Variants in CTNNA2 observed in about 807,000 individuals in gnomAD.
The protein encoded by CTNNA2 is catenin alpha-2.
CTNNA2 carries 42 observed loss-of-function variants against 101.0 expected under a neutral mutation model. That is an observed-to-expected ratio of 0.42 (90% CI 0.32 to 0.54). The LOEUF (loss-of-function observed/expected upper bound fraction) is 0.54, where lower values mean the gene tolerates loss of function less well. CTNNA2 is among the 20% of genes least tolerant of loss of function. The probability of loss-of-function intolerance (pLI) is 0.14; values close to 1 mark genes in which losing one functional copy is unlikely to be tolerated. For missense variants in CTNNA2, 871 were observed against 1,223.1 expected (o/e 0.71, Z 4.29); for synonymous variants, 450 against 456.4 (o/e 0.99, Z 0.18).
intron 7 of CTNNA2, among the ~76,000 whole-genome samples, chr2:80,287,205 T>C (rs1432141914): frequency 6.6e-6 from 1 of 151,806 alleles, no homozygotes; most frequent in Non-Finnish European, 1.5e-5. Context: ...TTTTACTGAG[T>C]AGAAAGAAAA....
At chr2:79,529,168 A>G (rs538015460) in intron 1 of CTNNA2, among the ~76,000 whole-genome samples, 45 of 152,278 alleles carry the variant, frequency 3.0e-4, no homozygotes, top group Middle Eastern at 3.4e-3. Flanking sequence ...TCAACAAATC[A>G]TACAGTTGCC....
intron 3 of CTNNA2, among the ~76,000 whole-genome samples, chr2:79,821,463 C>G (rs1678001729): frequency 6.6e-6 from 1 of 152,132 alleles, no homozygotes; most frequent in South Asian, 2.1e-4. Flanking sequence ...ATTGCCTTGG[C>G]CTTTCAAAGC....
intron 4 of CTNNA2, among the ~76,000 whole-genome samples, chr2:79,422,166 C>T (rs1316591065): frequency 2.0e-5 from 3 of 152,086 alleles, no homozygotes; most frequent in Admixed American, 6.6e-5. Flanking sequence ...AACAAACAAA[C>T]AGTGAAGCTT....
At chr2:80,337,216 G>A (rs558653090) in intron 7 of CTNNA2, among the ~76,000 whole-genome samples, 18 of 152,174 alleles carry the variant, frequency 1.2e-4, no homozygotes, top group Non-Finnish European at 1.6e-4. Context: ...TTAGCCGGGT[G>A]TGGTGGCACA....
chr2:80,212,068 G>C (rs900609571), intron 7 of CTNNA2, among the ~76,000 whole-genome samples: 24 of 152,232 alleles, frequency 1.6e-4, no homozygotes, highest in African/African-American at 5.8e-4. Context: ...CATTTATTTT[G>C]TTTCCTGAGA....
Position 79,273,525 on chromosome 2 carries a change from C to A in CTNNA2, c.-405-39184C>A, listed in dbSNP as rs61614572. ...TTTCCACTTAGAAAGTATAGTAATT[C>A]TTGATTGCTGAAAATGTCCAATCCT... On this transcript the variant is annotated intron_variant, in intron 2 of 21. Transcript: ENST00000466387. Among the ~76,000 whole-genome samples the A allele has an allele frequency of 8.6e-5, 13 of 152,032 alleles. No homozygotes were observed. The East Asian group carries it at 2.5e-3, about 30-fold the overall frequency.
intron 7 of CTNNA2, among the ~76,000 whole-genome samples, chr2:80,041,448 G>T (rs937541269): frequency 2.0e-5 from 3 of 151,954 alleles, no homozygotes; most frequent in African/African-American, 7.3e-5. Context: ...CTGGGATGGG[G>T]GGTACAGAGG....
At chr2:80,625,807 A>G (rs1289486102) in intron 18 of CTNNA2, among the ~76,000 whole-genome samples, 5 of 152,122 alleles carry the variant, frequency 3.3e-5, no homozygotes, top group Admixed American at 6.6e-5. Flanking sequence ...CTGACTTCAA[A>G]TGCTAGATTT....
chr2:79,569,395 G>C (rs1172670272), intron 1 of CTNNA2, among the ~76,000 whole-genome samples: 1 of 152,128 alleles, frequency 6.6e-6, no homozygotes, highest in African/African-American at 2.4e-5. Context: ...TGAGGACTGA[G>C]AAACGATGGA....
chr2:79,328,390 T>C (rs763229720), intron 3 of CTNNA2, among the ~76,000 whole-genome samples: 7 of 152,100 alleles, frequency 4.6e-5, no homozygotes, highest in Admixed American at 1.3e-4. Flanking sequence ...AATTGAGAAA[T>C]GACTAAGATA....
intron 7 of CTNNA2, among the ~76,000 whole-genome samples, chr2:80,325,951 C>T (rs10182495): frequency 0.17 from 25,832 of 152,132 alleles, 2,271 homozygotes; most frequent in African/African-American, 0.22. Context: ...CAACCCCACC[C>T]TTGTGATTCT....
At chr2:79,837,276 C>G (rs887287118) in intron 3 of CTNNA2, among the ~76,000 whole-genome samples, 1 of 152,124 alleles carries the variant, frequency 6.6e-6, no homozygotes, top group Non-Finnish European at 1.5e-5. Flanking sequence ...GCGTCTAGCA[C>G]GAGAGAAAGA....
In CTNNA2 at chr2:79,526,155, C is replaced by T. The variant is rs967205247; in HGVS notation, c.-6+12948C>T. ...AGTATGAATTTAAAATATTTTTTAT[C>T]AAAATTATAAGTGGCATTATAAAAT... On this transcript the variant is annotated intron_variant, in intron 1 of 18. Transcript: ENST00000402739. 3.3e-5 allele frequency among the ~76,000 whole-genome samples: 5 copies of T among 151,924 alleles called. 1 individual carries two copies. The highest frequency in any genetic ancestry group is 1.3e-4 in the Admixed American group (2 of 15,218).
intron 1 of CTNNA2, among the ~76,000 whole-genome samples, chr2:79,544,522 A>G (rs1285482237): frequency 1.3e-5 from 2 of 152,176 alleles, no homozygotes; most frequent in Admixed American, 6.5e-5. Context: ...CTTCTGTAGC[A>G]TAGAAGATAG....
chr2:80,563,437 G>A (rs1191668430), intron 12 of CTNNA2, among the ~76,000 whole-genome samples: 1 of 152,188 alleles, frequency 6.6e-6, no homozygotes, highest in Non-Finnish European at 1.5e-5. Context: ...ATGAAAAAAT[G>A]GGAACCTTTG....
chr2:79,288,499 G>T (rs1362902391), intron 2 of CTNNA2, among the ~76,000 whole-genome samples: 3 of 152,196 alleles, frequency 2.0e-5, no homozygotes, highest in African/African-American at 7.2e-5. Flanking sequence ...ATTTGACTGA[G>T]TTGGACATCC....
At chr2:80,029,804 C>T (rs899969087) in intron 7 of CTNNA2, among the ~76,000 whole-genome samples, 6 of 152,056 alleles carry the variant, frequency 3.9e-5, no homozygotes, top group Non-Finnish European at 8.8e-5. Context: ...AATAGTAACA[C>T]ATGTACCGAA....
At chr2:79,444,044 C>G (rs1678805154) in intron 4 of CTNNA2, among the ~76,000 whole-genome samples, 1 of 151,920 alleles carries the variant, frequency 6.6e-6, no homozygotes, top group Admixed American at 6.6e-5. Flanking sequence ...TCTCAGGCCA[C>G]CAGCTCTCAA....
chr2:80,285,010 G>C (rs932033671), intron 7 of CTNNA2, among the ~76,000 whole-genome samples: 6 of 152,048 alleles, frequency 3.9e-5, no homozygotes, highest in Non-Finnish European at 7.4e-5. Context: ...AAGGTTGTCT[G>C]TAGGCCAAAA....
Sources: gnomAD v4.1 joint callset for allele counts (sites outside exome capture counted in the v4.1 genomes callset) on GRCh38, gnomAD v4.1.1 for gene constraint, MANE v1.5 for transcripts, NCBI Gene and HGNC (gene_info 2026-07-23, HGNC 2026-07-21) for gene names.